NLGN1: variants seen among roughly 807,000 people sequenced by gnomAD.
NLGN1 encodes the protein neuroligin 1.
A neutral mutation model predicts 65.5 loss-of-function variants in NLGN1; 12 were observed. The ratio of observed to expected loss-of-function variants is 0.18; its 90% CI spans 0.12 to 0.30. The LOEUF is 0.30. Ranked by LOEUF, NLGN1 falls within the 10% of genes least tolerant of loss-of-function variation. NLGN1 has a pLI of 1.00. For synonymous variants in NLGN1, 350 were observed against 359.5 expected (o/e 0.97, Z 0.30); for missense variants, 750 against 1,007.1 (o/e 0.74, Z 3.46).
chr3:174,172,472 C>T (rs1728723155), intron 4 of NLGN1, among the ~76,000 whole-genome samples: 1 of 143,930 alleles, frequency 6.9e-6, no homozygotes, highest in Non-Finnish European at 1.5e-5. Flanking sequence ...AGTTTTTCAC[C>T]CAATTTGATG....
At chr3:173,555,554 G>T (rs965076592) in intron 2 of NLGN1, among the ~76,000 whole-genome samples, 2 of 151,962 alleles carry the variant, frequency 1.3e-5, no homozygotes, top group Admixed American at 1.3e-4. Flanking sequence ...ATTACGGCTC[G>T]CTATGGCCTC....
chr3:173,803,295 T>A (rs572836599), intron 3 of NLGN1, among the ~76,000 whole-genome samples: 1 of 152,300 alleles, frequency 6.6e-6, no homozygotes, highest in African/African-American at 2.4e-5. Context: ...AAAATTTTAA[T>A]GGTGCTAATA....
chr3:174,011,630 C>T (rs971792691), intron 4 of NLGN1, among the ~76,000 whole-genome samples: 1 of 152,004 alleles, frequency 6.6e-6, no homozygotes, highest in African/African-American at 2.4e-5. Context: ...CTCTGCTTCT[C>T]TCTCTCTCTC....
intron 4 of NLGN1, among the ~76,000 whole-genome samples, chr3:174,019,485 A>T (rs1053661303): frequency 8.5e-5 from 13 of 152,126 alleles, no homozygotes; most frequent in Non-Finnish European, 2.9e-5. Context: ...AACTGTAAGA[A>T]ATCAATTTCT....
At chr3:173,982,486 A>G (rs1293869034) in intron 4 of NLGN1, among the ~76,000 whole-genome samples, 1 of 152,168 alleles carries the variant, frequency 6.6e-6, no homozygotes, top group Non-Finnish European at 1.5e-5. Context: ...TGCTTGGTCC[A>G]TAGAAATACA....
chr3:173,399,473 C>A (rs1717250660), intron 1 of NLGN1: 1 of 152,128 alleles, frequency 6.6e-6, no homozygotes, highest in African/African-American at 2.4e-5. Flanking sequence ...TTTCCACTTA[C>A]ATTTAGTAAT....
intron 2 of NLGN1, among the ~76,000 whole-genome samples, chr3:173,540,772 A>G (rs955036950): frequency 1.3e-5 from 2 of 152,210 alleles, no homozygotes; most frequent in African/African-American, 2.4e-5. Context: ...CCTAGTGACA[A>G]CTACTCCTGC....
At chr3:173,944,776 A>G (rs935853012) in intron 4 of NLGN1, among the ~76,000 whole-genome samples, 1 of 152,188 alleles carries the variant, frequency 6.6e-6, no homozygotes, top group South Asian at 2.1e-4. Flanking sequence ...TATATTAACT[A>G]TGTAATTTGT....
intron 4 of NLGN1, among the ~76,000 whole-genome samples, chr3:174,054,117 GA>G (rs1476195524): frequency 1.3e-5 from 2 of 151,980 alleles, no homozygotes; most frequent in Non-Finnish European, 2.9e-5. Context: ...GCTTCTTTGT[GA>G]ACTATAGGTA....
At chr3:174,009,805 G>A (rs1235380907) in intron 4 of NLGN1, among the ~76,000 whole-genome samples, 3 of 152,132 alleles carry the variant, frequency 2.0e-5, no homozygotes, top group Non-Finnish European at 4.4e-5. Flanking sequence ...AGGAAACATG[G>A]GAAGCCTTCC....
chr3:173,932,507 A>C (rs1054881419), intron 4 of NLGN1, among the ~76,000 whole-genome samples: 1 of 70,388 alleles, frequency 1.4e-5, no homozygotes, highest in Non-Finnish European at 2.6e-5. Context: ...CACATTATTT[A>C]AAAAAAAAAA....
Position 174,279,401 on chromosome 3 carries a change from C to T in NLGN1, c.1400C>T (p.Ala467Val). Reference sequence around the variant, plus strand: ...TTGTTTACGGACCATCAGTGGGTGGCACCAGCTGTAGCCACAGCGGATCTT... The same window carrying T: ...TTGTTTACGGACCATCAGTGGGTGGTACCAGCTGTAGCCACAGCGGATCTT... Residue 467 changes from alanine to valine, a missense_variant, in exon 6 of 7, where the codon GCA becomes GTA. Ala to Val is a moderately conservative substitution (Grantham distance 64). Transcript: ENST00000457714. This position sits in a 1 kb window ranked among gnomAD's most constrained non-coding sequence, Gnocchi z 4.7. 1.2e-6 allele frequency: 2 copies of T among 1,613,292 alleles called. No individual in the cohort carries two copies. Among genetic ancestry groups the T allele is most frequent in the Non-Finnish European group, 1.7e-6 (2 of 1,179,526 alleles).
chr3:174,272,614 C>G (rs1194172558), intron 4 of NLGN1, among the ~76,000 whole-genome samples: 1 of 151,162 alleles, frequency 6.6e-6, no homozygotes, highest in African/African-American at 2.4e-5. Flanking sequence ...CCTCTAAATT[C>G]ACTCTAATGA....
At chr3:174,260,181 G>C (rs1415981115) in intron 4 of NLGN1, among the ~76,000 whole-genome samples, 4 of 148,864 alleles carry the variant, frequency 2.7e-5, no homozygotes, top group Admixed American at 2.7e-4. Flanking sequence ...ATGATTTATA[G>C]TCCTTTGGGT....
chr3:174,117,009 G>A (rs1038032385), intron 4 of NLGN1, among the ~76,000 whole-genome samples: 1 of 151,958 alleles, frequency 6.6e-6, no homozygotes, highest in Non-Finnish European at 1.5e-5. Flanking sequence ...TTTTATATTT[G>A]TAACAGTCAT....
At chr3:173,733,313 T>C (rs1420504273) in intron 3 of NLGN1, among the ~76,000 whole-genome samples, 4 of 152,190 alleles carry the variant, frequency 2.6e-5, no homozygotes, top group Non-Finnish European at 4.4e-5. Context: ...TCTTATTTTC[T>C]ATTTTATAGG....
In NLGN1 at chr3:173,425,279, G is replaced by C. The variant is rs143709510; in HGVS notation, c.-389-9731G>C. 5.6e-3 allele frequency among the ~76,000 whole-genome samples: 857 copies of C among 152,140 alleles called. 11 individuals are homozygous for C. Among genetic ancestry groups the C allele is most frequent in the African/African-American group, 0.019 (802 of 41,492 alleles). ...GATGAGATTTGGGTGGAGACACAGAGCCAAACCACATCAGTTTACCATTCT... is the reference window on the plus strand; with the variant it reads ...GATGAGATTTGGGTGGAGACACAGACCCAAACCACATCAGTTTACCATTCT... On this transcript the variant is annotated intron_variant, in intron 1 of 6. Coordinates refer to ENST00000457714, the Ensembl canonical transcript of NLGN1.
At chr3:173,569,261 A>G (rs1306420238) in intron 2 of NLGN1, among the ~76,000 whole-genome samples, 1 of 152,070 alleles carries the variant, frequency 6.6e-6, no homozygotes, top group East Asian at 1.9e-4. Context: ...GATACCTGGG[A>G]TTGTGAGCTT....
intron 4 of NLGN1, among the ~76,000 whole-genome samples, chr3:173,822,698 A>C (rs567210220): frequency 3.6e-4 from 54 of 152,096 alleles, no homozygotes; most frequent in Admixed American, 3.3e-4. Flanking sequence ...TAATATAGGA[A>C]ATCTGAATCA....
Sources: gnomAD v4.1 joint callset for allele counts (sites outside exome capture counted in the v4.1 genomes callset) on GRCh38, gnomAD v4.1.1 for gene constraint, Gnocchi (gnomAD v3.1) non-coding constraint, MANE v1.5 for transcripts, NCBI Gene and HGNC (gene_info 2026-07-23, HGNC 2026-07-21) for gene names.